Variants in GLI2 observed in about 807,000 individuals in gnomAD.
The protein encoded by GLI2 is GLI family zinc finger 2, also known as transcription activator GLI2.
A neutral mutation model predicts 78.9 loss-of-function variants in GLI2; 22 were observed. That is an observed-to-expected ratio of 0.28 (90% CI 0.20 to 0.40). GLI2 has a LOEUF of 0.40. Among genes scored for constraint, GLI2 ranks in the 10% least tolerant of loss-of-function variants. GLI2 has a pLI of 1.00. For synonymous variants in GLI2, 974 were observed against 963.7 expected (o/e 1.01, Z -0.20); for missense variants, 2,097 against 2,213.2 (o/e 0.95, Z 1.05).
intron 2 of GLI2, among the ~76,000 whole-genome samples, chr2:120,812,799 CCT>C (rs1685317278): frequency 1.3e-5 from 2 of 152,198 alleles, no homozygotes; most frequent in African/African-American, 4.8e-5. Flanking sequence ...GGTCTCTGAA[CCT>C]CTGGTGCTGG....
At chr2:120,869,417 C>T (rs1688317364) in intron 2 of GLI2, among the ~76,000 whole-genome samples, 1 of 152,188 alleles carries the variant, frequency 6.6e-6, no homozygotes, top group South Asian at 2.1e-4. Flanking sequence ...CTAGCCCCAT[C>T]ACAAACTTTT....
At chr2:120,871,971 C>T (rs998578568) in intron 2 of GLI2, among the ~76,000 whole-genome samples, 16 of 152,266 alleles carry the variant, frequency 1.1e-4, no homozygotes, top group South Asian at 2.1e-4. Flanking sequence ...GAGGGACCCC[C>T]GGGGTCTGGG....
At chr2:120,976,844 C>G (rs1349168628) in intron 9 of GLI2, among the ~76,000 whole-genome samples, 1 of 152,224 alleles carries the variant, frequency 6.6e-6, no homozygotes, top group African/African-American at 2.4e-5. Context: ...CTCTGTTTCT[C>G]TCTGCTCCCT....
At chr2:120,920,181 A>C (rs1057382502) in intron 2 of GLI2, among the ~76,000 whole-genome samples, 1 of 152,214 alleles carries the variant, frequency 6.6e-6, no homozygotes, top group Non-Finnish European at 1.5e-5. Flanking sequence ...GGCATCCCCA[A>C]CACAGCCACT....
At chr2:120,835,385 C>CT (rs544747953) in intron 2 of GLI2, among the ~76,000 whole-genome samples, 29,233 of 132,316 alleles carry the variant, frequency 0.22, 3,609 homozygotes, top group Middle Eastern at 0.32. Flanking sequence ...AGGCACCAGA[C>CT]TTTTTTTTTT....
chr2:120,802,949 T>C (rs1684770842), intron 2 of GLI2, among the ~76,000 whole-genome samples: 1 of 152,218 alleles, frequency 6.6e-6, no homozygotes. Flanking sequence ...TCTGTGGGGG[T>C]AGAGCCCAGC....
chr2:120,972,368 T>C (rs1415631390), intron 8 of GLI2, among the ~76,000 whole-genome samples: 4 of 152,236 alleles, frequency 2.6e-5, no homozygotes, highest in Non-Finnish European at 5.9e-5. Flanking sequence ...ACACCTGACC[T>C]GTGTACAGCA....
chr2:120,812,671 C>T (rs1456394383), intron 2 of GLI2, among the ~76,000 whole-genome samples: 1 of 152,184 alleles, frequency 6.6e-6, no homozygotes, highest in Non-Finnish European at 1.5e-5. Flanking sequence ...TGTCTGGGGA[C>T]ATCACCTTTC....
At chr2:120,747,754 A>G (rs1682735273) in intron 1 of GLI2, among the ~76,000 whole-genome samples, 1 of 152,190 alleles carries the variant, frequency 6.6e-6, no homozygotes. Context: ...CCCTATTGAC[A>G]CAACAGGACT....
At position 120,989,562 on chromosome 2, in the gene GLI2, C is replaced by T; in HGVS notation, c.3597C>T (p.Ile1199=). Residue 1199 remains isoleucine (I), a synonymous_variant, in exon 14 of 14, where the codon ATC becomes ATT. Coordinates refer to ENST00000361492, the MANE Select transcript of GLI2 (RefSeq NM_001374353.1). ...GCAGCGGAGCCCCCTCCCAGGGCAT[C>T]CCCAGGGTAAACTACATGCAGCAGC... ...QPRSGAPSQG[I]PRVNYMQQLR... 6.2e-7 allele frequency: 1 copy of T among 1,613,128 alleles called. No homozygotes were observed. Among genetic ancestry groups the T allele is most frequent in the Non-Finnish European group, 8.5e-7 (1 of 1,179,922 alleles).
chr2:120,974,856 A>C (rs1682373912), intron 8 of GLI2, 119 bp from the exon 9 acceptor site: 2 of 1,407,272 alleles, frequency 1.4e-6, no homozygotes, highest in Admixed American at 3.3e-5. Context: ...ACACACTTGC[A>C]TCCACACCTG....
intron 2 of GLI2, among the ~76,000 whole-genome samples, chr2:120,888,210 G>C (rs1362171053): frequency 2.0e-5 from 3 of 152,246 alleles, no homozygotes; most frequent in Non-Finnish European, 4.4e-5. Context: ...TGCCCGCTGG[G>C]GCAAGGGCAG....
chr2:120,968,615 T>G (rs979141262), intron 5 of GLI2, 99 bp from the exon 6 acceptor site: 26 of 927,282 alleles, frequency 2.8e-5, no homozygotes, highest in Non-Finnish European at 4.3e-5. Flanking sequence ...AGGATTCCCA[T>G]TAGACCATCC....
intron 7 of GLI2, 32 bp downstream of exon 7, chr2:120,970,638 G>A (rs1283913240): frequency 6.5e-7 from 1 of 1,543,334 alleles, no homozygotes; most frequent in Admixed American, 1.7e-5. Context: ...GATGGCCACT[G>A]GGTACTCATC....
intron 3 of GLI2, among the ~76,000 whole-genome samples, chr2:120,946,851 C>T (rs1280037881): frequency 6.6e-6 from 1 of 152,236 alleles, no homozygotes; most frequent in Non-Finnish European, 1.5e-5. Context: ...TTCAGGGCTG[C>T]TGGGAAGCGC....
chr2:120,912,638 C>A (rs575869635), intron 2 of GLI2, among the ~76,000 whole-genome samples: 1 of 152,194 alleles, frequency 6.6e-6, no homozygotes, highest in Non-Finnish European at 1.5e-5. Flanking sequence ...GGGAGCCAGG[C>A]GTCCGAAAGT....
intron 1 of GLI2, among the ~76,000 whole-genome samples, chr2:120,772,667 G>A (rs1683557722): frequency 6.6e-6 from 1 of 152,192 alleles, no homozygotes; most frequent in African/African-American, 2.4e-5. Flanking sequence ...CTTCTGCTGT[G>A]GACAAATGTT....
chr2:120,990,366 G>A lies in GLI2; in HGVS notation c.4401G>A (p.Gln1467=), dbSNP rs780228031. 6 of 1,614,030 alleles carry A rather than the reference G, an allele frequency of 3.7e-6. No homozygotes were observed. The highest frequency in any genetic ancestry group is 1.7e-5 in the Admixed American group (1 of 60,026). ...PQPQACQDSI[Q]PQPLPSPGVN... is the part of the protein sequence containing the mutation. ...CACAGGCCTGTCAGGACAGCATCCA[G>A]CCCCAGCCCTTGCCCTCACCAGGGG... The change falls in exon 14 of 14, where the codon CAG becomes CAA. Residue 1467 remains glutamine, a synonymous_variant. Transcript: ENST00000361492.
chr2:120,968,633 C>T (rs1191922957), intron 5 of GLI2, 81 bp from the exon 6 acceptor site: 3 of 1,040,752 alleles, frequency 2.9e-6, no homozygotes, highest in Admixed American at 1.7e-5. Flanking sequence ...TCCTTGCAGG[C>T]TCTTCCTATC....
Sources: gnomAD v4.1 joint callset for allele counts (sites outside exome capture counted in the v4.1 genomes callset) on GRCh38, gnomAD v4.1.1 for gene constraint, MANE v1.5 for transcripts, NCBI Gene and HGNC (gene_info 2026-07-23, HGNC 2026-07-21) for gene names.